The following PTPRG variants were observed in gnomAD, a reference collection of about 807,000 sequenced individuals.
PTPRG encodes protein tyrosine phosphatase receptor type G.
Under a neutral mutation model 165.3 loss-of-function variants are expected in PTPRG, and 102 were observed. The ratio of observed to expected loss-of-function variants is 0.62; its 90% CI spans 0.53 to 0.73. The LOEUF (loss-of-function observed/expected upper bound fraction) is 0.73. Among genes scored for constraint, PTPRG ranks in the 30% least tolerant of loss-of-function variants. The probability of loss-of-function intolerance (pLI) is 0.00; values close to 1 mark genes in which losing one functional copy is unlikely to be tolerated. For synonymous variants in PTPRG, 675 were observed against 669.5 expected (o/e 1.01, Z -0.13); for missense variants, 1,866 against 1,861.4 (o/e 1.00, Z -0.05).
chr3:62,084,316 A>C (rs1160998147), intron 5 of PTPRG, among the ~76,000 whole-genome samples: 1 of 152,168 alleles, frequency 6.6e-6, no homozygotes, highest in Non-Finnish European at 1.5e-5. Flanking sequence ...CAGTTTCCTC[A>C]TTTAATGTTC....
intron 2 of PTPRG, among the ~76,000 whole-genome samples, chr3:61,908,720 G>T (rs749010974): frequency 3.9e-5 from 6 of 152,094 alleles, no homozygotes; most frequent in Non-Finnish European, 2.9e-5. Flanking sequence ...AGAATCTGTT[G>T]GTGAGGTAGA....
At chr3:61,777,126 C>T (rs541684770) in intron 2 of PTPRG, among the ~76,000 whole-genome samples, 3 of 152,206 alleles carry the variant, frequency 2.0e-5, no homozygotes, top group African/African-American at 7.2e-5. Flanking sequence ...TGACATTTCT[C>T]TTAGTCAATA....
intron 2 of PTPRG, among the ~76,000 whole-genome samples, chr3:61,863,283 T>A (rs1426531884): frequency 6.6e-6 from 1 of 152,230 alleles, no homozygotes; most frequent in African/African-American, 2.4e-5. Context: ...CAGTGTCATC[T>A]GCCTCACCTG....
intron 6 of PTPRG, among the ~76,000 whole-genome samples, chr3:62,146,725 G>A (rs1704136927): frequency 6.6e-6 from 1 of 151,934 alleles, no homozygotes; most frequent in East Asian, 1.9e-4. Flanking sequence ...TTTAAGCTCT[G>A]TCAGCCATAT....
chr3:62,253,241 A>G (rs189926262), intron 15 of PTPRG, among the ~76,000 whole-genome samples: 10 of 152,324 alleles, frequency 6.6e-5, no homozygotes, highest in Admixed American at 3.3e-4. Flanking sequence ...ACTAGAGTCC[A>G]TGTTCCTAAT....
chr3:61,705,362 C>G (rs891142653), intron 1 of PTPRG, among the ~76,000 whole-genome samples: 9 of 152,106 alleles, frequency 5.9e-5, no homozygotes, highest in Admixed American at 2.0e-4. Flanking sequence ...TGGGTAGATT[C>G]TGATTCTTCT....
intron 8 of PTPRG, among the ~76,000 whole-genome samples, chr3:62,186,810 A>G (rs796279238): frequency 1.3e-5 from 2 of 151,778 alleles, no homozygotes; most frequent in African/African-American, 4.8e-5. Flanking sequence ...CGAGCGATCC[A>G]CCCACCATGG....
At chr3:61,815,926 GCTATTTTATTTC>G (rs1433696886) in intron 2 of PTPRG, among the ~76,000 whole-genome samples, 6 of 152,058 alleles carry the variant, frequency 3.9e-5, no homozygotes, top group Non-Finnish European at 8.8e-5. Context: ...TTCATTTTAG[GCTATTTTATTTC>G]CTAAAGTCAC....
chr3:62,158,685 G>A (rs1371895896), intron 7 of PTPRG, among the ~76,000 whole-genome samples: 2 of 152,186 alleles, frequency 1.3e-5, no homozygotes, highest in Non-Finnish European at 2.9e-5. Flanking sequence ...AGGGGCAGTA[G>A]AGACACTATC....
At chr3:61,995,702 T>G (rs879329586) in intron 3 of PTPRG, among the ~76,000 whole-genome samples, 11,149 of 128,948 alleles carry the variant, frequency 0.086, 878 homozygotes, top group Admixed American at 0.11. Context: ...CTTCCTTCCT[T>G]CCTTCCTTCC....
chr3:61,794,905 T>C (rs1269994291), intron 2 of PTPRG, among the ~76,000 whole-genome samples: 3 of 152,184 alleles, frequency 2.0e-5, no homozygotes, highest in East Asian at 1.9e-4. Flanking sequence ...TTTGGACTTA[T>C]TTAGTCATAA....
At chr3:62,198,660 A>C (rs553822605) in intron 10 of PTPRG, among the ~76,000 whole-genome samples, 1 of 152,222 alleles carries the variant, frequency 6.6e-6, no homozygotes, top group South Asian at 2.1e-4. Context: ...TTGGGATATA[A>C]TAATATATGT....
At chr3:62,020,359 CA>C (rs2041661896) in intron 4 of PTPRG, among the ~76,000 whole-genome samples, 1 of 152,100 alleles carries the variant, frequency 6.6e-6, no homozygotes, top group South Asian at 2.1e-4. Flanking sequence ...CATTTAATGT[CA>C]TTTCTAAGAC....
At chr3:62,286,454 A>G (rs1180783793) in intron 28 of PTPRG, among the ~76,000 whole-genome samples, 1 of 152,160 alleles carries the variant, frequency 6.6e-6, no homozygotes, top group Non-Finnish European at 1.5e-5. Flanking sequence ...AAAAGCTACA[A>G]TAATAAGTAA....
At position 62,155,228 on chromosome 3, in the gene PTPRG, A is replaced by C. The variant is rs374931242; in HGVS notation, c.683-1839A>C. Among the ~76,000 whole-genome samples the C allele has an allele frequency of 4.9e-4, 75 of 152,318 alleles. 1 individual carries two copies. In the South Asian group the frequency reaches 0.015, roughly 31 times the overall value. ...TATTTTAGAAAAAGACGAATTGAAC[A>C]CCTCTCTGAGAATCAGCCAAGGTTT... is the stretch of plus-strand genomic sequence containing the variant. On this transcript the variant is annotated intron_variant, in intron 6 of 29. Transcript: ENST00000474889.
chr3:62,060,211 C>CA (rs3068431), intron 4 of PTPRG, among the ~76,000 whole-genome samples: 11,775 of 131,160 alleles, frequency 0.09, 570 homozygotes, highest in Non-Finnish European at 0.11. Flanking sequence ...GACCCTGTCT[C>CA]AAAAAAAAAA....
At chr3:62,018,759 G>A (rs1179640250) in intron 4 of PTPRG, among the ~76,000 whole-genome samples, 1 of 152,164 alleles carries the variant, frequency 6.6e-6, no homozygotes, top group African/African-American at 2.4e-5. Flanking sequence ...ATGTGGGCAG[G>A]TCTACATGAG....
At chr3:62,002,588 G>T (rs369096384) in intron 3 of PTPRG, among the ~76,000 whole-genome samples, 1 of 152,190 alleles carries the variant, frequency 6.6e-6, no homozygotes, top group African/African-American at 2.4e-5. Context: ...TTTCAAGAAA[G>T]AGCAGTATAT....
intron 26 of PTPRG, 23 bp from the exon 27 acceptor site, chr3:62,281,540 T>TG: frequency 8.1e-7 from 1 of 1,227,130 alleles, no homozygotes; most frequent in South Asian, 1.6e-5. Flanking sequence ...TGCAGAGGCT[T>TG]TTTTTTTTTT....
Sources: gnomAD v4.1 joint callset for allele counts (sites outside exome capture counted in the v4.1 genomes callset) on GRCh38, gnomAD v4.1.1 for gene constraint, MANE v1.5 for transcripts, NCBI Gene and HGNC (gene_info 2026-07-23, HGNC 2026-07-21) for gene names.